The following PALM2AKAP2 variants were observed in gnomAD, a reference collection of about 807,000 sequenced individuals.
PALM2AKAP2 encodes the protein PALM2 and AKAP2 fusion, also known as PALM2-AKAP2 fusion protein.
PALM2AKAP2 carries 37 observed loss-of-function variants against 71.5 expected under a neutral mutation model. The observed-to-expected ratio is 0.52, with a 90% CI of 0.40 to 0.68. The LOEUF (loss-of-function observed/expected upper bound fraction) is 0.68, where lower values mean the gene tolerates loss of function less well. Among genes scored for constraint, PALM2AKAP2 ranks in the 30% least tolerant of loss-of-function variants. The pLI is 0.00. For synonymous variants in PALM2AKAP2, 468 were observed against 478.8 expected (o/e 0.98, Z 0.29); for missense variants, 1,224 against 1,191.8 (o/e 1.03, Z -0.40).
At chr9:110,170,476 A>G (rs1836835687) in exon 4 of PALM2AKAP2, 1 of 152,466 alleles carries the variant, frequency 6.6e-6, no homozygotes, top group Non-Finnish European at 1.5e-5. Flanking sequence ...GGCACAAAGT[A>G]AAAAATGGAA....
At chr9:109,669,047 GA>G (rs1827534814) in intron 1 of PALM2AKAP2, among the ~76,000 whole-genome samples, 1 of 152,160 alleles carries the variant, frequency 6.6e-6, no homozygotes, top group Non-Finnish European at 1.5e-5. Flanking sequence ...CTTAGCACTG[GA>G]ATGGAAGATT....
intron 7 of PALM2AKAP2, among the ~76,000 whole-genome samples, chr9:110,035,333 A>T (rs1007215086): frequency 9.7e-5 from 14 of 144,918 alleles, no homozygotes; most frequent in Non-Finnish European, 1.8e-4. Context: ...TTATATGTAT[A>T]ATACATATTA....
At chr9:109,710,355 C>A (rs944369885) in intron 1 of PALM2AKAP2, among the ~76,000 whole-genome samples, 2 of 152,240 alleles carry the variant, frequency 1.3e-5, no homozygotes, top group South Asian at 2.1e-4. Context: ...AGTCTGGTTT[C>A]TTTGTGCAAG....
chr9:109,745,623 G>A (rs1828788892), intron 1 of PALM2AKAP2, among the ~76,000 whole-genome samples: 1 of 152,054 alleles, frequency 6.6e-6, no homozygotes, highest in South Asian at 2.1e-4. Flanking sequence ...CACATTTACA[G>A]CAATAATAAA....
At chr9:109,649,125 G>A (rs1348811887) in intron 1 of PALM2AKAP2, among the ~76,000 whole-genome samples, 3 of 151,288 alleles carry the variant, frequency 2.0e-5, no homozygotes, top group Admixed American at 1.3e-4. Flanking sequence ...ACTTCTCTTT[G>A]ATATTTCTTA....
At chr9:110,156,331 A>G in exon 3 of PALM2AKAP2, 3 of 1,576,136 alleles carry the variant, frequency 1.9e-6, no homozygotes, top group Non-Finnish European at 2.6e-6. Context: ...AAAATAGAGA[A>G]AGTCAAACCT....
chr9:109,990,340 G>A lies in PALM2AKAP2; in HGVS notation c.497-25614G>A, dbSNP rs555633593. 1.0e-3 allele frequency among the ~76,000 whole-genome samples: 152 copies of A among 152,258 alleles called. 1 individual carries two copies. The highest frequency in any genetic ancestry group is 1.3e-3 in the Non-Finnish European group (89 of 68,008). Reference sequence around the variant, plus strand: ...CTCCCAAAGCGCTGGGACTACAGGCGTGAGCCACCGTGCCTTGCCTGAACG... The same window carrying A: ...CTCCCAAAGCGCTGGGACTACAGGCATGAGCCACCGTGCCTTGCCTGAACG... On this transcript the variant is annotated intron_variant, in intron 6 of 9. Coordinates refer to the PALM2AKAP2 transcript ENST00000302798.
chr9:109,958,378 A>G (rs1463063257), intron 6 of PALM2AKAP2, among the ~76,000 whole-genome samples: 1 of 152,212 alleles, frequency 6.6e-6, no homozygotes, highest in Non-Finnish European at 1.5e-5. Flanking sequence ...TGACAGAAGC[A>G]GCATTCTTGA....
At chr9:109,907,262 A>G (rs539715778) in intron 3 of PALM2AKAP2, among the ~76,000 whole-genome samples, 2 of 152,318 alleles carry the variant, frequency 1.3e-5, no homozygotes, top group African/African-American at 4.8e-5. Flanking sequence ...TGAGATGATG[A>G]ATTTCTCAAA....
chr9:109,645,414 T>C lies in PALM2AKAP2; in HGVS notation c.5+4548T>C, dbSNP rs201778284. Among the ~76,000 whole-genome samples the C allele has an allele frequency of 1.8e-4, 27 of 152,186 alleles. No individual in the cohort carries two copies. In the East Asian group the frequency reaches 5.2e-3, roughly 29 times the overall value. Reference sequence around the variant, plus strand: ...AATTGTGGGAGCTACAAGACGAGATTTGGGTGGGGACACAGAGAGAAACCA... The same window carrying C: ...AATTGTGGGAGCTACAAGACGAGATCTGGGTGGGGACACAGAGAGAAACCA... On this transcript the variant is annotated intron_variant, in intron 1 of 6. Coordinates refer to the PALM2AKAP2 transcript ENST00000374531.
rs1449750076 is a variant in PALM2AKAP2, at chr9:109,790,508, T to C, written c.45+9975T>C. 2.0e-5 allele frequency among the ~76,000 whole-genome samples: 3 copies of C among 152,202 alleles called. No homozygotes were observed. The East Asian group carries it at 5.8e-4, about 29-fold the overall frequency. The stretch of plus-strand genomic sequence containing the variant: ...TGGCAGGCAGGGGATTTTCTTTGTC[T>C]GTGTTTGAGTGCTAATGTCGACAAC... On this transcript the variant is annotated intron_variant, in intron 1 of 9. Coordinates refer to the PALM2AKAP2 transcript ENST00000302798.
intron 1 of PALM2AKAP2, among the ~76,000 whole-genome samples, chr9:109,670,627 A>G (rs1827558844): frequency 6.6e-6 from 1 of 152,146 alleles, no homozygotes; most frequent in Non-Finnish European, 1.5e-5. Context: ...TCCTTTGGGC[A>G]TATATTCAGT....
At chr9:110,156,468 A>G in exon 3 of PALM2AKAP2, 6 of 1,610,090 alleles carry the variant, frequency 3.7e-6, no homozygotes, top group Non-Finnish European at 5.1e-6. Context: ...ACACAAATCT[A>G]AAAGGCGCGA....
intron 6 of PALM2AKAP2, among the ~76,000 whole-genome samples, chr9:110,000,105 C>T (rs1389060175): frequency 1.3e-5 from 2 of 151,806 alleles, no homozygotes; most frequent in African/African-American, 4.8e-5. Flanking sequence ...TGGTGTGCTG[C>T]ACACATTAAC....
At chr9:109,661,758 G>T (rs1227517182) in intron 1 of PALM2AKAP2, among the ~76,000 whole-genome samples, 1 of 152,190 alleles carries the variant, frequency 6.6e-6, no homozygotes, top group African/African-American at 2.4e-5. Flanking sequence ...ACTTTGGGCA[G>T]CAAGGCGATT....
At chr9:109,718,954 G>T (rs746247328) in intron 1 of PALM2AKAP2, among the ~76,000 whole-genome samples, 1 of 151,706 alleles carries the variant, frequency 6.6e-6, no homozygotes, top group Non-Finnish European at 1.5e-5. Flanking sequence ...TGATTTTTTC[G>T]TACTTCTAGA....
upstream of PALM2AKAP2, chr9:109,780,226 C>G: frequency 9.7e-7 from 1 of 1,029,362 alleles, no homozygotes; most frequent in Non-Finnish European, 1.2e-6. Context: ...GCGCGGCCGG[C>G]GGCGGCGGCG....
intron 6 of PALM2AKAP2, among the ~76,000 whole-genome samples, chr9:109,987,154 A>G (rs7850047): frequency 0.13 from 19,816 of 151,904 alleles, 1,807 homozygotes; most frequent in African/African-American, 0.25. Flanking sequence ...TTTTTGAGAC[A>G]GAGTCTTGCT....
chr9:110,042,706 T>G (rs1384173373), intron 7 of PALM2AKAP2, among the ~76,000 whole-genome samples: 1 of 152,238 alleles, frequency 6.6e-6, no homozygotes, highest in East Asian at 1.9e-4. Flanking sequence ...TATGGATTTT[T>G]ATCTTGAGGC....
Sources: allele counts gnomAD v4.1 joint callset (sites outside exome capture counted in the v4.1 genomes callset), GRCh38; gene constraint gnomAD v4.1.1; transcripts MANE v1.5; gene names NCBI Gene and HGNC (gene_info 2026-07-23, HGNC 2026-07-21).